Variants in RYR2 observed in about 807,000 individuals in gnomAD.
RYR2 encodes cardiac muscle ryanodine receptor-calcium release channel.
RYR2 carries 227 observed loss-of-function variants against 601.1 expected under a neutral mutation model. The ratio of observed to expected loss-of-function variants is 0.38; its 90% CI spans 0.34 to 0.42. The LOEUF (loss-of-function observed/expected upper bound fraction) is 0.42, where lower values mean the gene tolerates loss of function less well. Among genes scored for constraint, RYR2 ranks in the 10% least tolerant of loss-of-function variants. RYR2 has a pLI of 1.00. For synonymous variants in RYR2, 2,223 were observed against 2,175.1 expected (o/e 1.02, Z -0.61); for missense variants, 4,646 against 6,156.5 (o/e 0.75, Z 8.21).
intron 1 of RYR2, among the ~76,000 whole-genome samples, chr1:237,128,241 G>A (rs1357003425): frequency 1.3e-5 from 2 of 152,200 alleles, no homozygotes; most frequent in Non-Finnish European, 2.9e-5. Context: ...AGGCGTGGCG[G>A]CACGAGCCTG....
Position 237,609,946 on chromosome 1 carries a change from C to T in RYR2, c.4684-816C>T, listed in dbSNP as rs543113081. 6.5e-3 allele frequency among the ~76,000 whole-genome samples: 987 copies of T among 151,550 alleles called. 1 individual carries two copies. Among genetic ancestry groups the T allele is most frequent in the Non-Finnish European group, 0.011 (749 of 67,750 alleles). On this transcript the variant is annotated intron_variant, in intron 35 of 104. Transcript: ENST00000366574. ...TAAACCAGTACTTGGTTTTTCCCCG[C>T]CTATTGTTAGAGGGCAATAGGAAAG...
At chr1:237,492,221 A>G (rs1011671835) in intron 18 of RYR2, among the ~76,000 whole-genome samples, 9 of 152,124 alleles carry the variant, frequency 5.9e-5, no homozygotes, top group Non-Finnish European at 1.3e-4. Flanking sequence ...TAGTAGAGAC[A>G]GGGTTTTACC....
At chr1:237,575,193 C>A (rs2779415) in intron 29 of RYR2, among the ~76,000 whole-genome samples, 97,610 of 152,024 alleles carry the variant, frequency 0.64, 32,580 homozygotes, top group Admixed American at 0.73. Flanking sequence ...GCGGTTACCT[C>A]ATCAGAAGCC....
intron 1 of RYR2, among the ~76,000 whole-genome samples, chr1:237,257,223 A>T (rs1338665011): frequency 6.6e-6 from 1 of 152,122 alleles, no homozygotes; most frequent in Non-Finnish European, 1.5e-5. Context: ...GTCTCATTCG[A>T]CCACCTGCGC....
intron 29 of RYR2, among the ~76,000 whole-genome samples, chr1:237,575,257 C>T (rs182919399): frequency 2.4e-4 from 37 of 152,304 alleles, no homozygotes; most frequent in Admixed American, 2.4e-3. Context: ...TCAGCTTTTA[C>T]CCACAGAGGT....
intron 12 of RYR2, among the ~76,000 whole-genome samples, chr1:237,430,315 G>A (rs1003602263): frequency 1.3e-5 from 2 of 151,344 alleles, no homozygotes; most frequent in Non-Finnish European, 3.0e-5. Flanking sequence ...ATATTGTTCA[G>A]TAAAATATTG....
At chr1:237,469,026 A>G (rs1645417357) in intron 16 of RYR2, 66 bp from the exon 17 acceptor site, 1 of 1,328,344 alleles carries the variant, frequency 7.5e-7, no homozygotes, top group Admixed American at 1.7e-5. Context: ...AGGGCTGCAT[A>G]TTAGCTTATC....
At chr1:237,371,827 CAT>C (rs1330889795) in intron 6 of RYR2, among the ~76,000 whole-genome samples, 1 of 152,108 alleles carries the variant, frequency 6.6e-6, no homozygotes, top group African/African-American at 2.4e-5. Flanking sequence ...TGTTCTCACT[CAT>C]AGGTGGGAAT....
intron 1 of RYR2, among the ~76,000 whole-genome samples, chr1:237,227,576 C>T (rs1395965833): frequency 6.6e-6 from 1 of 152,222 alleles, no homozygotes; most frequent in Non-Finnish European, 1.5e-5. Context: ...GTGGAGTTTG[C>T]ATGTTCACCT....
intron 2 of RYR2, among the ~76,000 whole-genome samples, chr1:237,313,293 C>A (rs1332947429): frequency 6.6e-6 from 1 of 152,002 alleles, no homozygotes; most frequent in African/African-American, 2.4e-5. Flanking sequence ...ATGAATGTTG[C>A]CTTATATGAC....
chr1:237,149,511 T>C (rs577282629), intron 1 of RYR2, among the ~76,000 whole-genome samples: 3 of 152,222 alleles, frequency 2.0e-5, no homozygotes, highest in Non-Finnish European at 4.4e-5. Context: ...AAATAATGGC[T>C]CATTTAATAG....
intron 19 of RYR2, among the ~76,000 whole-genome samples, chr1:237,493,492 G>T (rs113808949): frequency 3.0e-4 from 45 of 151,622 alleles, no homozygotes; most frequent in Non-Finnish European, 5.9e-4. Context: ...TCGCTCTGTC[G>T]CCCAGGCTGG....
rs191952952 is a variant in RYR2, at chr1:237,803,535, C to T, written c.14151+1619C>T. On this transcript the variant is annotated intron_variant, in intron 98 of 104. Coordinates refer to ENST00000366574, the MANE Select transcript of RYR2 (RefSeq NM_001035.3). ...CAGGATGGTCTCGATCTCCTGACCTCGTGAACCGACCGCCTTGGCCTCCCA... is the reference window on the plus strand; with the variant it reads ...CAGGATGGTCTCGATCTCCTGACCTTGTGAACCGACCGCCTTGGCCTCCCA... Among the ~76,000 whole-genome samples, 1,365 of 152,112 alleles carry T rather than the reference C, an allele frequency of 9.0e-3. 14 individuals carry two copies. The highest frequency in any genetic ancestry group is 0.029 in the African/African-American group (1,194 of 41,464).
chr1:237,643,319 C>T lies in RYR2; in HGVS notation c.7222-8C>T, dbSNP rs61832664. The T allele has an allele frequency of 6.2e-7, 1 of 1,608,616 alleles. No individual in the cohort carries two copies. Among genetic ancestry groups the T allele is most frequent in the Non-Finnish European group, 8.5e-7 (1 of 1,177,870 alleles). ...AGTTGTTCTAATGTTTTTTTTTCCC[C>T]TGTATAGTTGATTCATGCCGGGAAG... On this transcript the variant is annotated splice_polypyrimidine_tract_variant and splice_region_variant and intron_variant, in intron 47 of 104. Coordinates refer to ENST00000366574, the MANE Select transcript of RYR2 (RefSeq NM_001035.3).
chr1:237,345,680 C>A (rs1385813812), intron 3 of RYR2, among the ~76,000 whole-genome samples: 3 of 151,854 alleles, frequency 2.0e-5, no homozygotes, highest in Admixed American at 6.6e-5. Context: ...ATTGTGATGA[C>A]TTTTTAATCA....
At chr1:237,716,291 G>GT (rs1302251700) in intron 71 of RYR2, among the ~76,000 whole-genome samples, 2 of 151,772 alleles carry the variant, frequency 1.3e-5, no homozygotes, top group African/African-American at 2.4e-5. Context: ...ATTCTATTAT[G>GT]TTTTTTCTCA....
At chr1:237,173,013 C>T (rs1677591774) in intron 1 of RYR2, among the ~76,000 whole-genome samples, 1 of 152,082 alleles carries the variant, frequency 6.6e-6, no homozygotes, top group South Asian at 2.1e-4. Flanking sequence ...AATCATATAG[C>T]CCATTTAACC....
chr1:237,558,621 A>G (rs956201274), intron 27 of RYR2, among the ~76,000 whole-genome samples: 6 of 152,084 alleles, frequency 3.9e-5, no homozygotes, highest in Non-Finnish European at 8.8e-5. Context: ...AGTTTACTGT[A>G]CTTCTTAGAT....
At chr1:237,117,267 G>T (rs1670180153) in intron 1 of RYR2, among the ~76,000 whole-genome samples, 1 of 152,104 alleles carries the variant, frequency 6.6e-6, no homozygotes, top group South Asian at 2.1e-4. Flanking sequence ...GGCAGGATGG[G>T]GGACATGGTG....
Sources: gnomAD v4.1 joint callset for allele counts (sites outside exome capture counted in the v4.1 genomes callset) on GRCh38, gnomAD v4.1.1 for gene constraint, MANE v1.5 for transcripts, NCBI Gene and HGNC (gene_info 2026-07-23, HGNC 2026-07-21) for gene names.